FRY: variants seen among roughly 807,000 people sequenced by gnomAD.
FRY encodes protein furry homolog.
A neutral mutation model predicts 348.4 loss-of-function variants in FRY; 128 were observed. That is an observed-to-expected ratio of 0.37 (90% confidence interval 0.32 to 0.43). FRY has a LOEUF of 0.43. Ranked by LOEUF, FRY falls within the 20% of genes least tolerant of loss-of-function variation. The probability of loss-of-function intolerance (pLI) is 1.00; values close to 1 mark genes in which losing one functional copy is unlikely to be tolerated. For missense variants in FRY, 2,736 were observed against 3,695.2 expected, an observed-to-expected ratio of 0.74 and a Z score of 6.73; for synonymous variants, 1,370 against 1,374.7, an observed-to-expected ratio of 1.00 and a Z score of 0.08.
At chr13:32,141,204 T>C (rs936505630) in intron 11 of FRY, among the ~76,000 whole-genome samples, 6 of 152,006 alleles carry the variant, frequency 3.9e-5, no homozygotes, top group East Asian at 1.9e-4. Context: ...AACCATTCAA[T>C]AGAAAAATAA....
At chr13:32,208,661 C>T (rs1230193767) in intron 31 of FRY, among the ~76,000 whole-genome samples, 192 bp from the exon 32 acceptor site, 4 of 152,238 alleles carry the variant, frequency 2.6e-5, no homozygotes, top group Non-Finnish European at 2.9e-5. Context: ...TCCTGCACAG[C>T]GCACCAGATG....
chr13:32,277,895 C>T (rs951154277), intron 57 of FRY, among the ~76,000 whole-genome samples: 8 of 152,206 alleles, frequency 5.3e-5, no homozygotes, highest in African/African-American at 1.9e-4. Flanking sequence ...TTCCTCAGTG[C>T]TCATTGTTTT....
intron 3 of FRY, among the ~76,000 whole-genome samples, chr13:32,107,032 T>G (rs903923140): frequency 1.3e-5 from 2 of 152,214 alleles, no homozygotes; most frequent in African/African-American, 4.8e-5. Flanking sequence ...ATTTCTAAAT[T>G]TAACCTAATT....
chr13:32,213,931 C>T (rs1884827155), intron 35 of FRY, among the ~76,000 whole-genome samples: 1 of 152,208 alleles, frequency 6.6e-6, no homozygotes. Flanking sequence ...GCTCTGTCAC[C>T]ATATCTCTGC....
chr13:32,032,729 GTCT>G (rs1872306615), intron 1 of FRY, among the ~76,000 whole-genome samples: 1 of 152,162 alleles, frequency 6.6e-6, no homozygotes, highest in Non-Finnish European at 1.5e-5. Flanking sequence ...TAAAAAGAAA[GTCT>G]TCTCTATTTC....
At chr13:32,279,554 A>G (rs542390384) in intron 58 of FRY, among the ~76,000 whole-genome samples, 83 of 152,344 alleles carry the variant, frequency 5.4e-4, no homozygotes, top group African/African-American at 1.9e-3. Flanking sequence ...CACTCTGTCT[A>G]CTGTGGAAAC....
chr13:32,123,400 C>T (rs1308622869), intron 4 of FRY, among the ~76,000 whole-genome samples: 2 of 152,224 alleles, frequency 1.3e-5, no homozygotes, highest in Non-Finnish European at 2.9e-5. Flanking sequence ...ACTCTTCTCT[C>T]TCACCACCCC....
At chr13:32,235,397 G>A (rs1022189541) in intron 42 of FRY, among the ~76,000 whole-genome samples, 4 of 152,216 alleles carry the variant, frequency 2.6e-5, no homozygotes, top group African/African-American at 9.6e-5. Context: ...GCCATGGCGG[G>A]CAGATCACTT....
At chr13:32,268,824 T>G (rs1888075600) in intron 55 of FRY, among the ~76,000 whole-genome samples, 1 of 151,958 alleles carries the variant, frequency 6.6e-6, no homozygotes, top group Non-Finnish European at 1.5e-5. Context: ...TGAGCCACCA[T>G]GCCTGGCCAA....
chr13:32,145,526 GTTTTTTTTTTTTTTTT>G (rs59585678), intron 11 of FRY, among the ~76,000 whole-genome samples: 7 of 91,476 alleles, frequency 7.7e-5, no homozygotes, highest in Non-Finnish European at 1.5e-4. Context: ...TGACTGATTT[GTTTTTTTTTTTTTTTT>G]TTTTTTTTTT....
chr13:32,055,589 T>C (rs905084068), intron 1 of FRY, among the ~76,000 whole-genome samples: 1 of 152,136 alleles, frequency 6.6e-6, no homozygotes, highest in African/African-American at 2.4e-5. Flanking sequence ...CTCTCCATCT[T>C]TGGGTAAACT....
At chr13:32,043,942 C>T (rs571558054) in intron 1 of FRY, among the ~76,000 whole-genome samples, 9 of 137,012 alleles carry the variant, frequency 6.6e-5, no homozygotes, top group Non-Finnish European at 1.4e-4. Context: ...CACCTGTAAT[C>T]CTAGTTCTTC....
intron 12 of FRY, 32 bp downstream of exon 12, chr13:32,147,417 A>G (rs771118451): frequency 1.7e-6 from 2 of 1,205,942 alleles, no homozygotes; most frequent in South Asian, 1.2e-5. Context: ...TGGTAACCAT[A>G]TCACTCAGCC....
intron 31 of FRY, among the ~76,000 whole-genome samples, chr13:32,208,447 G>A (rs1267275745): frequency 6.6e-6 from 1 of 152,224 alleles, no homozygotes; most frequent in Non-Finnish European, 1.5e-5. Context: ...TTACCGACAA[G>A]GGAACTGAGG....
chr13:32,276,612 C>T (rs746256581), intron 57 of FRY, 50 bp downstream of exon 57: 20 of 921,580 alleles, frequency 2.2e-5, no homozygotes, highest in Non-Finnish European at 3.3e-5. Context: ...ACCAAATGAA[C>T]CCAACCACTC....
intron 3 of FRY, among the ~76,000 whole-genome samples, chr13:32,103,415 C>T (rs1038589555): frequency 1.3e-5 from 2 of 152,070 alleles, no homozygotes; most frequent in African/African-American, 4.8e-5. Context: ...GACAAAAAAC[C>T]AAACACCGCA....
In FRY at chr13:32,274,888, A is replaced by G; in HGVS notation, c.8183A>G (p.Tyr2728Cys). The G allele has an allele frequency of 6.2e-7, 1 of 1,613,388 alleles. No individual in the cohort carries two copies. Among genetic ancestry groups the G allele is most frequent in the South Asian group, 1.1e-5 (1 of 91,062 alleles). ...FCFLTCDAASYLGDNLRGIGS... is the reference protein window; with the variant it reads ...FCFLTCDAASCLGDNLRGIGS... ...TTCCTAACCTGTGATGCAGCCAGTT[A>G]CCTTGGAGATAACCTCCGGGGAATC... The change falls in exon 56 of 61, where the codon TAC (tyrosine) becomes TGC (cysteine). Residue 2728 changes from tyrosine (Y) to cysteine (C), a missense_variant. Around this residue, in one of 9 missense-constraint regions of FRY, gnomAD observed 789 missense variants for 996.2 expected, o/e 0.79. Transcript: ENST00000542859.
At position 32,194,260 on chromosome 13, in the gene FRY, G is replaced by GGCT; in HGVS notation, c.3713_3715dup (p.Cys1238dup). 1 of 1,614,172 alleles carries GGCT rather than the reference G, an allele frequency of 6.2e-7. No individual in the cohort carries two copies. The highest frequency in any genetic ancestry group is 8.5e-7 in the Non-Finnish European group (1 of 1,180,002). ...CACAGGTTCCTACCAACTTGCATCTGGCTGCTTCAAAGCCATAGCAACTGT... is the reference window on the plus strand; with the variant it reads ...CACAGGTTCCTACCAACTTGCATCTGGCTGCTGCTTCAAAGCCATAGCAACTGT... On this transcript the variant is annotated inframe_insertion, in exon 29 of 61. Transcript: ENST00000542859.
intron 11 of FRY, among the ~76,000 whole-genome samples, chr13:32,138,515 C>A (rs936400561): frequency 6.6e-6 from 1 of 152,138 alleles, no homozygotes; most frequent in Non-Finnish European, 1.5e-5. Context: ...TTGCTTACAG[C>A]TCTAGTCAAA....
Sources: gnomAD v4.1 joint callset for allele counts (sites outside exome capture counted in the v4.1 genomes callset) on GRCh38, gnomAD v4.1.1 for gene constraint, gnomAD v4.1.1 regional missense constraint, MANE v1.5 for transcripts, NCBI Gene and HGNC (gene_info 2026-07-23, HGNC 2026-07-21) for gene names.